Variants in COL4A1 observed in about 807,000 individuals in gnomAD.
COL4A1 encodes collagen alpha-1(IV) chain.
Under a neutral mutation model 216.6 loss-of-function variants are expected in COL4A1, and 40 were observed. The ratio of observed to expected loss-of-function variants is 0.18; its 90% CI spans 0.14 to 0.24. COL4A1 has a LOEUF of 0.24. Among genes scored for constraint, COL4A1 ranks in the 10% least tolerant of loss-of-function variants. COL4A1 has a pLI of 1.00. For synonymous variants in COL4A1, 839 were observed against 810.7 expected, an observed-to-expected ratio of 1.03 and a Z score of -0.59; for missense variants, 1,628 against 2,196.8, an observed-to-expected ratio of 0.74 and a Z score of 5.18.
At chr13:110,290,723 T>C (rs1884047800) in intron 1 of COL4A1, among the ~76,000 whole-genome samples, 1 of 151,702 alleles carries the variant, frequency 6.6e-6, no homozygotes, top group Non-Finnish European at 1.5e-5. Flanking sequence ...AAGTGAAGCT[T>C]GGGTGCACGA....
At position 110,181,472 on chromosome 13, in the gene COL4A1, C is replaced by A. The variant is rs1236710147; in HGVS notation, c.2096-83G>T. 5.8e-6 allele frequency: 8 copies of A among 1,371,618 alleles called. No individual in the cohort carries two copies. The Admixed American group carries it at 1.4e-4, about 24-fold the overall frequency. The allele number at this position is 1,371,618 out of a possible 1,614,324, so 85.0% of individuals were successfully genotyped here. A position where few individuals can be genotyped will look rare whatever the true frequency, so the allele number is the denominator to read the frequency against. On this transcript the variant is annotated intron_variant, in intron 28 of 51. Transcript: ENST00000375820. ...GTTCCCCACTTTCTTCACTTTTAGT[C>A]TTGCCCAGAGATGCCGACCTGATCT...
At chr13:110,201,799 T>C (rs956284605) in intron 18 of COL4A1, 2 of 584,492 alleles carry the variant, frequency 3.4e-6, no homozygotes, top group Admixed American at 1.9e-5. Context: ...CTGGTCAATA[T>C]GGTGAAACCC....
intron 47 of COL4A1, among the ~76,000 whole-genome samples, chr13:110,163,238 C>T (rs1319083309): frequency 6.6e-6 from 1 of 152,238 alleles, no homozygotes; most frequent in Non-Finnish European, 1.5e-5. Flanking sequence ...CTTTCAACAA[C>T]ATCTGGGAAA....
intron 2 of COL4A1, among the ~76,000 whole-genome samples, chr13:110,230,438 C>T (rs1032674154): frequency 2.0e-5 from 3 of 152,060 alleles, no homozygotes; most frequent in African/African-American, 7.2e-5. Flanking sequence ...CACAGGTGTA[C>T]ATGAGCCCTG....
In COL4A1 at chr13:110,187,260, C is replaced by T. The variant is rs773748960; in HGVS notation, c.1606G>A (p.Asp536Asn). 8 of 1,613,758 alleles carry T rather than the reference C, an allele frequency of 5.0e-6. No homozygotes were observed. Among genetic ancestry groups the T allele is most frequent in the Admixed American group, 1.7e-5 (1 of 60,010 alleles). Residue 536 changes from aspartate to asparagine, a missense_variant, in exon 25 of 52, where the codon GAC (aspartate) becomes AAC (asparagine). Coordinates refer to ENST00000375820, the MANE Select transcript of COL4A1 (RefSeq NM_001845.6). ...AKGEPGEFYF[D>N]LRLKGDKGDP... is the part of the protein sequence containing the mutation. ...CCTTTGTCACCTTTGAGCCGCAAGT[C>T]GAAATAAAACTCACCAGGCTCCCCC... is the stretch of plus-strand genomic sequence containing the variant.
chr13:110,161,104 T>C (rs1452150361), intron 49 of COL4A1, 88 bp downstream of exon 49: 2 of 1,389,552 alleles, frequency 1.4e-6, no homozygotes, highest in Non-Finnish European at 1.0e-6. Context: ...ATTCAACGTT[T>C]TGGAGAAAAA....
At chr13:110,196,017 A>T (rs12873869) in intron 21 of COL4A1, among the ~76,000 whole-genome samples, 1 of 152,058 alleles carries the variant, frequency 6.6e-6, no homozygotes, top group African/African-American at 2.4e-5. Context: ...GGGCTTGAAT[A>T]TATTAACCAA....
chr13:110,276,671 A>G (rs2139295599), intron 1 of COL4A1, among the ~76,000 whole-genome samples: 1 of 152,330 alleles, frequency 6.6e-6, no homozygotes. Flanking sequence ...CCCTACTTTC[A>G]GTGTGGTACT....
At chr13:110,243,510 G>A (rs950864125) in intron 1 of COL4A1, among the ~76,000 whole-genome samples, 1 of 152,152 alleles carries the variant, frequency 6.6e-6, no homozygotes, top group Non-Finnish European at 1.5e-5. Flanking sequence ...GTAGAGATGG[G>A]GTTTCATCAT....
rs758315813 is a variant in COL4A1, at chr13:110,183,213, G to T, written c.1961C>A (p.Pro654Gln). The T allele has an allele frequency of 1.2e-6, 2 of 1,613,742 alleles. No homozygotes were observed. The highest frequency in any genetic ancestry group is 2.7e-5 in the African/African-American group (2 of 74,924). Residue 654 changes from proline (P) to glutamine (Q), a missense_variant, in exon 27 of 52, where the codon CCG (proline) becomes CAG (glutamine). By Grantham distance (76) the Pro-to-Gln change is moderately conservative. Transcript: ENST00000375820. Reference sequence around the variant, plus strand: ...GGGACCTGGGAAGCCTGGGGACCCCGGCAGTCCTTCTGCTCCAGGGGGGCC... The same window carrying T: ...GGGACCTGGGAAGCCTGGGGACCCCTGCAGTCCTTCTGCTCCAGGGGGGCC... The part of the protein sequence containing the change: ...LPGPPGAEGL[P>Q]GSPGFPGPQG...
chr13:110,245,062 C>A (rs1487039344), intron 1 of COL4A1, among the ~76,000 whole-genome samples: 2 of 152,186 alleles, frequency 1.3e-5, no homozygotes, highest in Non-Finnish European at 2.9e-5. Context: ...CGCACCTCAA[C>A]CACAGTGCAT....
intron 2 of COL4A1, among the ~76,000 whole-genome samples, chr13:110,219,670 A>ATATATATGTG (rs1397461251): frequency 5.5e-5 from 4 of 72,614 alleles, no homozygotes; most frequent in East Asian, 3.1e-4. Flanking sequence ...ATGTATATAT[A>ATATATATGTG]TATATATGTG....
intron 1 of COL4A1, among the ~76,000 whole-genome samples, chr13:110,252,670 CATATAATATGTAT>C (rs1882186356): frequency 1.4e-5 from 2 of 138,696 alleles, no homozygotes; most frequent in African/African-American, 5.3e-5. Flanking sequence ...TGTATATATA[CATATAATATGTAT>C]ATATACATAT....
At chr13:110,227,427 A>ACACACACACACAC (rs1555308840) in intron 2 of COL4A1, among the ~76,000 whole-genome samples, 1 of 130,434 alleles carries the variant, frequency 7.7e-6, no homozygotes, top group Non-Finnish European at 1.6e-5. Context: ...CACACACACA[A>ACACACACACACAC]ACACACACAA....
At chr13:110,168,564 T>C (rs1877451307) in intron 43 of COL4A1, among the ~76,000 whole-genome samples, 1 of 152,256 alleles carries the variant, frequency 6.6e-6, no homozygotes, top group African/African-American at 2.4e-5. Flanking sequence ...CATAACTTAC[T>C]GATTCAGAAG....
chr13:110,201,319 GGGAGGAGGAAGGA>G (rs1879202797), intron 19 of COL4A1, 106 bp downstream of exon 19: 9 of 667,242 alleles, frequency 1.3e-5, no homozygotes, highest in Non-Finnish European at 2.3e-5. Flanking sequence ...GAGAAGGAGG[GGGAGGAGGAAGGA>G]GGAGGAGGAA....
Position 110,186,373 on chromosome 13 carries a change from C to T in COL4A1, c.1897+12G>A, listed in dbSNP as rs1878404008. 6.2e-7 allele frequency: 1 copy of T among 1,612,782 alleles called. No individual in the cohort carries two copies. The highest frequency in any genetic ancestry group is 2.2e-5 in the East Asian group (1 of 44,884). On this transcript the variant is annotated intron_variant, in intron 26 of 51. Transcript: ENST00000375820. ...CAACTTCATGCTGCATCACGAGTTTCTCAGGCCTCACCTGGCAGGCCTGGG... is the reference window on the plus strand; with the variant it reads ...CAACTTCATGCTGCATCACGAGTTTTTCAGGCCTCACCTGGCAGGCCTGGG...
chr13:110,191,828 A>G (rs1006738870), intron 24 of COL4A1, among the ~76,000 whole-genome samples: 1 of 152,234 alleles, frequency 6.6e-6, no homozygotes, highest in African/African-American at 2.4e-5. Context: ...CAGCACTGGT[A>G]ACACAGAAAG....
intron 2 of COL4A1, among the ~76,000 whole-genome samples, chr13:110,239,833 C>G (rs531914220): frequency 6.6e-6 from 1 of 152,122 alleles, no homozygotes; most frequent in African/African-American, 2.4e-5. Context: ...AGAAAGGGAA[C>G]CAGATCGGAA....
Sources: allele counts gnomAD v4.1 joint callset (sites outside exome capture counted in the v4.1 genomes callset), GRCh38; gene constraint gnomAD v4.1.1; transcripts MANE v1.5; gene names NCBI Gene and HGNC (gene_info 2026-07-23, HGNC 2026-07-21).